STRN3: variants seen among roughly 807,000 people sequenced by gnomAD.
STRN3 encodes the protein striatin-3.
STRN3 carries 29 observed loss-of-function variants against 95.6 expected under a neutral mutation model. The observed-to-expected ratio is 0.30, with a 90% CI of 0.23 to 0.41. The LOEUF is 0.41. Among genes scored for constraint, STRN3 ranks in the 10% least tolerant of loss-of-function variants. STRN3 has a pLI of 1.00. For missense variants in STRN3, 890 were observed against 972.1 expected (o/e 0.92, Z 1.12); for synonymous variants, 331 against 357.6 (o/e 0.93, Z 0.84).
At position 30,947,258 on chromosome 14, in the gene STRN3, A is replaced by G; in HGVS notation, c.548T>C (p.Leu183Pro). 6.3e-7 allele frequency: 1 copy of G among 1,582,388 alleles called. No individual in the cohort carries two copies. Among genetic ancestry groups the G allele is most frequent in the Non-Finnish European group, 8.6e-7 (1 of 1,169,024 alleles). Residue 183 changes from leucine (L) to proline (P), a missense_variant, in exon 5 of 18, where the codon CTT (leucine) becomes CCT (proline). This residue lies in a region of STRN3 where 526 missense variants were observed against 526.3 expected (regional missense o/e 1.00). Transcript: ENST00000357479. The stretch of plus-strand genomic sequence containing the variant: ...TGTATCTGTATAACCTACTTCCTGA[A>G]GATACCTGTAAGAGAAAATAAATAT... ...KQGRQLLRQY[L>P]QEVGYTDTIL... is the part of the protein sequence containing the mutation.
chr14:30,962,042 T>C (rs1014042911), intron 1 of STRN3, among the ~76,000 whole-genome samples: 1 of 152,246 alleles, frequency 6.6e-6, no homozygotes, highest in Non-Finnish European at 1.5e-5. Flanking sequence ...TGTGTGTTAC[T>C]GCCCTTGAAG....
At chr14:30,977,175 G>A (rs975311303) in intron 1 of STRN3, among the ~76,000 whole-genome samples, 5 of 152,118 alleles carry the variant, frequency 3.3e-5, no homozygotes, top group African/African-American at 1.2e-4. Context: ...GCAGTGAGCA[G>A]ATATCGTGCC....
At position 30,967,270 on chromosome 14, in the gene STRN3, G is replaced by A. The variant is rs565803941; in HGVS notation, c.283-11028C>T. 2.2e-5 allele frequency among the ~76,000 whole-genome samples: 3 copies of A among 136,274 alleles called. No individual in the cohort carries two copies. The South Asian group carries it at 8.5e-4, about 38-fold the overall frequency. The allele number at this position is 136,274 out of a possible 152,430, so 89.4% of individuals were successfully genotyped here. On this transcript the variant is annotated intron_variant, in intron 1 of 17. Coordinates refer to ENST00000357479, the MANE Select transcript of STRN3 (RefSeq NM_001083893.2). ...GGGGAAGAGAGGCAGAGAGAGGGGG[G>A]AAGAGAGGCAGAGAGGGGGGAAAGA...
At chr14:31,011,992 G>C (rs1002022463) in intron 1 of STRN3, among the ~76,000 whole-genome samples, 2 of 152,302 alleles carry the variant, frequency 1.3e-5, no homozygotes, top group African/African-American at 4.8e-5. Flanking sequence ...TGAAGCAGAA[G>C]AATCGCTTGA....
chr14:31,026,106 T>A lies in STRN3; in HGVS notation c.80A>T (p.Asn27Ile), dbSNP rs1329645837. Residue 27 changes from asparagine to isoleucine, a missense_variant, in exon 1 of 18, where the codon AAC becomes ATC. Asn to Ile is a moderately radical substitution (Grantham distance 149, BLOSUM62 -3). Transcript: ENST00000357479. ...GTTCCCCCCGGGCGAAAGGCCCAGG[T>A]TCCCCCCAGGTCCCTGCTGCTGCCG... Reference protein sequence around the residue: ...PPRQQQGPGGNLGLSPGGNGA... With the variant: ...PPRQQQGPGGILGLSPGGNGA... 1 of 1,525,358 alleles carries A rather than the reference T, an allele frequency of 6.6e-7. No homozygotes were observed. The highest frequency in any genetic ancestry group is 8.8e-7 in the Non-Finnish European group (1 of 1,138,790). 94.5% of individuals were successfully genotyped at this position (1,525,358 alleles called of 1,614,324 possible).
At chr14:30,932,544 A>G (rs1352736198) in intron 7 of STRN3, 1 of 152,214 alleles carries the variant, frequency 6.6e-6, no homozygotes, top group Non-Finnish European at 1.5e-5. Flanking sequence ...AAAATGTTTT[A>G]AAGATAATAT....
In STRN3 at chr14:30,894,270, A is replaced by C. The variant is rs1896068596; in HGVS notation, c.*1141T>G. On this transcript the variant is annotated 3_prime_UTR_variant, in exon 18 of 18. Transcript: ENST00000357479. ...TTTAAACAAGTTAGTTTTGTTTGGA[A>C]TCATGGTAAACCAAGATATATATCT... is the stretch of plus-strand genomic sequence containing the variant. The C allele has an allele frequency of 6.6e-6, 1 of 152,382 alleles. No homozygotes were observed. The highest frequency in any genetic ancestry group is 1.5e-5 in the Non-Finnish European group (1 of 68,014). The allele number at this position is 152,382 out of a possible 1,614,324, so 9.4% of individuals were successfully genotyped here. A position where few individuals can be genotyped will look rare whatever the true frequency, so the allele number is the denominator to read the frequency against.
chr14:30,894,885 TTC>T lies in STRN3; in HGVS notation c.*524_*525del, dbSNP rs762190739. ...ATGCTAAAATATTTTAAGTTAAATTTTCTTTTTCTTTTTTTTTTTTTTTAAAG... is the reference window on the plus strand; with the variant it reads ...ATGCTAAAATATTTTAAGTTAAATTTTTTTTCTTTTTTTTTTTTTTTAAAG... On this transcript the variant is annotated 3_prime_UTR_variant, in exon 18 of 18. Coordinates refer to ENST00000357479, the MANE Select transcript of STRN3 (RefSeq NM_001083893.2). 1.2e-4 allele frequency: 104 copies of T among 867,434 alleles called. No homozygotes were observed. Among genetic ancestry groups the T allele is most frequent in the South Asian group, 3.3e-4 (18 of 55,206 alleles). 53.7% of individuals were successfully genotyped at this position (867,434 alleles called of 1,614,324 possible). A position where few individuals can be genotyped will look rare whatever the true frequency, so the allele number is the denominator to read the frequency against.
Position 30,895,518 on chromosome 14 carries a change from C to T in STRN3, c.2287G>A (p.Ala763Thr). The T allele has an allele frequency of 6.2e-7, 1 of 1,614,082 alleles. No homozygotes were observed. The highest frequency in any genetic ancestry group is 1.3e-5 in the African/African-American group (1 of 75,058). ...GATTCATCCAATTTCTTTCTGTGAGCTGTTATTTCTTGCACACATGTCTTG... is the reference window on the plus strand; with the variant it reads ...GATTCATCCAATTTCTTTCTGTGAGTTGTTATTTCTTGCACACATGTCTTG... ...DSKTCVQEIT[A>T]HRKKLDESIY... Residue 763 changes from alanine to threonine, a missense_variant, in exon 18 of 18, where the codon GCT becomes ACT. By Grantham distance (58) the Ala-to-Thr change is moderately conservative. Transcript: ENST00000357479.
intron 13 of STRN3, among the ~76,000 whole-genome samples, chr14:30,907,415 A>C (rs1006005627): frequency 1.3e-5 from 2 of 152,056 alleles, no homozygotes; most frequent in Non-Finnish European, 2.9e-5. Flanking sequence ...CATGACAATC[A>C]ATTTTAGGGT....
Position 30,907,054 on chromosome 14 carries a change from A to C in STRN3, c.1721-10T>G. ...GCTAGAACATTTGGCTCTGGGGAAA[A>C]AACAAACAAACAAAAAATTAGGTAA... On this transcript the variant is annotated splice_polypyrimidine_tract_variant and intron_variant, in intron 13 of 17. Coordinates refer to ENST00000357479, the MANE Select transcript of STRN3 (RefSeq NM_001083893.2). 1 of 1,593,102 alleles carries C rather than the reference A, an allele frequency of 6.3e-7. No individual in the cohort carries two copies. Among genetic ancestry groups the C allele is most frequent in the Non-Finnish European group, 8.5e-7 (1 of 1,173,768 alleles).
intron 6 of STRN3, among the ~76,000 whole-genome samples, chr14:30,936,178 G>GCT (rs1056789968): frequency 9.9e-5 from 15 of 152,222 alleles, no homozygotes; most frequent in Non-Finnish European, 2.1e-4. Flanking sequence ...TCACTGGTGT[G>GCT]CTGTACATGA....
Position 30,965,336 on chromosome 14 carries a change from G to A in STRN3, c.283-9094C>T, listed in dbSNP as rs140613376. ...CCCACATGCTTTGGATGTTATATAG[G>A]AGTCCTATTTACCCCAGTTAATTTA... is the stretch of plus-strand genomic sequence containing the variant. On this transcript the variant is annotated intron_variant, in intron 1 of 17. Coordinates refer to ENST00000357479, the MANE Select transcript of STRN3 (RefSeq NM_001083893.2). Among the ~76,000 whole-genome samples, 45 of 152,276 alleles carry A rather than the reference G, an allele frequency of 3.0e-4. 2 individuals carry two copies. The East Asian group carries it at 8.5e-3, about 29-fold the overall frequency.
intron 16 of STRN3, among the ~76,000 whole-genome samples, chr14:30,902,186 AAAAAAAAAAAAAAAAAAAAAAAT>A (rs1344837726): frequency 7.2e-6 from 1 of 138,380 alleles, no homozygotes; most frequent in South Asian, 2.2e-4. Context: ...AAAAAAAAAA[AAAAAAAAAAAAAAAAAAAAAAAT>A]GGAAATGCCA....
intron 1 of STRN3, among the ~76,000 whole-genome samples, chr14:30,987,809 G>A (rs1456528398): frequency 6.6e-6 from 1 of 151,100 alleles, no homozygotes; most frequent in Middle Eastern, 3.2e-3. Context: ...GCGCGGTCTT[G>A]GTACTGCAAC....
intron 1 of STRN3, among the ~76,000 whole-genome samples, chr14:30,982,791 A>G (rs1881475213): frequency 6.6e-6 from 1 of 152,096 alleles, no homozygotes; most frequent in Non-Finnish European, 1.5e-5. Flanking sequence ...TTTTAGATAC[A>G]GTCTCGTTAT....
Position 30,917,893 on chromosome 14 carries a change from A to T in STRN3, c.1240+1073T>A, listed in dbSNP as rs149151119. Among the ~76,000 whole-genome samples the T allele has an allele frequency of 5.3e-5, 8 of 152,278 alleles. No individual in the cohort carries two copies. The East Asian group carries it at 1.5e-3, about 29-fold the overall frequency. On this transcript the variant is annotated intron_variant, in intron 9 of 17. Transcript: ENST00000357479. ...GAGCAAAGGCAATAACATCAATTAA[A>T]CTTAATACATATGCCAAATTACTGT...
rs776394437 is a variant in STRN3 at position 30,911,744 on chromosome 14, A to G, written c.1598+33T>C. On this transcript the variant is annotated intron_variant, in intron 12 of 17. Coordinates refer to ENST00000357479, the MANE Select transcript of STRN3 (RefSeq NM_001083893.2). ...TAAATAATATTTAACAATAATGATG[A>G]TGTTAATTAAATACCAATTCAGTAA... 9.0e-6 allele frequency: 14 copies of G among 1,552,202 alleles called. No homozygotes were observed. In the African/African-American group the frequency reaches 1.8e-4, roughly 20 times the overall value.
At chr14:30,929,966 A>AAAAAAAAAAAAAAAAAAAAAAAAAAC (rs1555317368) in intron 7 of STRN3, among the ~76,000 whole-genome samples, 1 of 108,282 alleles carries the variant, frequency 9.2e-6, no homozygotes. Flanking sequence ...AAAAAAAAAA[A>AAAAAAAAAAAAAAAAAAAAAAAAAAC]AAAAAAAAAA....
Sources: allele counts gnomAD v4.1 joint callset (sites outside exome capture counted in the v4.1 genomes callset), GRCh38; gene constraint gnomAD v4.1.1; regional missense constraint gnomAD v4.1.1; transcripts MANE v1.5; gene names NCBI Gene and HGNC (gene_info 2026-07-23, HGNC 2026-07-21).